The following ANTXR2 variants were observed in gnomAD, a reference collection of about 807,000 sequenced individuals.
The protein encoded by ANTXR2 is anthrax toxin receptor 2.
A neutral mutation model predicts 73.7 loss-of-function variants in ANTXR2; 44 were observed. The observed-to-expected ratio is 0.60, with a 90% confidence interval of 0.47 to 0.77. ANTXR2 has a LOEUF of 0.77. Among genes scored for constraint, ANTXR2 ranks in the 30% least tolerant of loss-of-function variants. ANTXR2 has a pLI of 0.00. For synonymous variants in ANTXR2, 217 were observed against 205.9 expected, an observed-to-expected ratio of 1.05 and a Z score of -0.46; for missense variants, 604 against 592.5, an observed-to-expected ratio of 1.02 and a Z score of -0.20.
At chr4:79,985,380 A>G (rs1730097366) in intron 12 of ANTXR2, among the ~76,000 whole-genome samples, 1 of 151,888 alleles carries the variant, frequency 6.6e-6, no homozygotes, top group African/African-American at 2.4e-5. Context: ...AAGAAAGAAA[A>G]AAAAGAAAAA....
intron 3 of ANTXR2, among the ~76,000 whole-genome samples, chr4:80,062,681 T>A (rs12650083): frequency 0.13 from 19,819 of 152,182 alleles, 2,729 homozygotes; most frequent in East Asian, 0.71. Flanking sequence ...AAGAATAGAA[T>A]AAATTTAGGG....
intron 12 of ANTXR2, among the ~76,000 whole-genome samples, chr4:79,993,930 G>GT (rs913252587): frequency 1.7e-4 from 25 of 147,384 alleles, no homozygotes; most frequent in South Asian, 4.4e-4. Flanking sequence ...ATCTTGGTCA[G>GT]TTTTTTTTTT....
chr4:80,020,748 A>AGCTATTTCTC, intron 10 of ANTXR2, among the ~76,000 whole-genome samples: 1 of 152,214 alleles, frequency 6.6e-6, no homozygotes, highest in Non-Finnish European at 1.5e-5. Flanking sequence ...TTCATACAAG[A>AGCTATTTCTC]AAGCTACTGG....
intron 12 of ANTXR2, among the ~76,000 whole-genome samples, chr4:79,985,442 T>C (rs1270272070): frequency 6.6e-6 from 1 of 152,038 alleles, no homozygotes; most frequent in African/African-American, 2.4e-5. Flanking sequence ...GAACTTAATT[T>C]TCCCTGACAT....
intron 16 of ANTXR2, among the ~76,000 whole-genome samples, chr4:79,937,521 C>T (rs549513925): frequency 7.9e-5 from 12 of 152,282 alleles, no homozygotes; most frequent in African/African-American, 2.9e-4. Context: ...CAATTTGTAT[C>T]TACCCTGAGA....
chr4:79,998,353 A>G (rs774788781), intron 12 of ANTXR2, among the ~76,000 whole-genome samples: 20 of 152,048 alleles, frequency 1.3e-4, no homozygotes, highest in Non-Finnish European at 2.4e-4. Flanking sequence ...CAAGGACACT[A>G]AAGCAAGTGA....
chr4:79,910,167 A>G (rs1727067080), intron 16 of ANTXR2, among the ~76,000 whole-genome samples: 1 of 152,210 alleles, frequency 6.6e-6, no homozygotes, highest in Non-Finnish European at 1.5e-5. Context: ...TTGTTAAGAT[A>G]TATAAAGCAC....
chr4:80,002,096 C>T (rs1336073787), intron 12 of ANTXR2, among the ~76,000 whole-genome samples: 2 of 152,038 alleles, frequency 1.3e-5, no homozygotes, highest in Non-Finnish European at 2.9e-5. Flanking sequence ...GAGCCCGCAT[C>T]ACCAAGTCAA....
chr4:80,062,153 C>T (rs919187964), intron 3 of ANTXR2, among the ~76,000 whole-genome samples: 7 of 152,166 alleles, frequency 4.6e-5, no homozygotes, highest in Middle Eastern at 3.2e-3. Context: ...GCCAAGGCTT[C>T]TGTGGTCCAG....
At chr4:80,045,455 C>A (rs1733475778) in intron 7 of ANTXR2, among the ~76,000 whole-genome samples, 1 of 151,660 alleles carries the variant, frequency 6.6e-6, no homozygotes. Flanking sequence ...TCACTGGCAA[C>A]CGATCATCAC....
At chr4:79,923,855 T>C (rs991389246) in intron 16 of ANTXR2, among the ~76,000 whole-genome samples, 3 of 152,164 alleles carry the variant, frequency 2.0e-5, no homozygotes, top group African/African-American at 7.2e-5. Context: ...GCGCTGTCTC[T>C]ATGTGTGTTG....
chr4:79,935,455 C>T (rs927525496), intron 16 of ANTXR2, among the ~76,000 whole-genome samples: 2 of 151,924 alleles, frequency 1.3e-5, no homozygotes, highest in African/African-American at 4.8e-5. Context: ...GAGTTGGGGC[C>T]AGACTGTCTA....
At chr4:79,918,107 C>T (rs900055962) in intron 16 of ANTXR2, among the ~76,000 whole-genome samples, 12 of 151,726 alleles carry the variant, frequency 7.9e-5, no homozygotes, top group African/African-American at 2.2e-4. Flanking sequence ...TAAAGTAGAA[C>T]GGACACAGCA....
chr4:80,050,966 G>A (rs1164685751), intron 7 of ANTXR2, among the ~76,000 whole-genome samples: 6 of 151,550 alleles, frequency 4.0e-5, no homozygotes, highest in East Asian at 1.9e-4. Context: ...CACGCTACCC[G>A]TCAATGTTTA....
At chr4:79,953,034 C>G (rs905772037) in intron 16 of ANTXR2, among the ~76,000 whole-genome samples, 1 of 152,074 alleles carries the variant, frequency 6.6e-6, no homozygotes, top group Non-Finnish European at 1.5e-5. Context: ...CCCTTGGCCC[C>G]TCCATGTGAA....
intron 16 of ANTXR2, among the ~76,000 whole-genome samples, chr4:79,915,856 CTCTCTCTATA>C (rs1359296168): frequency 1.6e-4 from 18 of 112,272 alleles, no homozygotes; most frequent in African/African-American, 5.4e-4. Context: ...CTCTCTCTCT[CTCTCTCTATA>C]TATATATATA....
At position 80,072,594 on chromosome 4, in the gene ANTXR2, C is replaced by G; in HGVS notation, c.-34G>C. 6.7e-7 allele frequency: 1 copy of G among 1,483,362 alleles called. No individual in the cohort carries two copies. The highest frequency in any genetic ancestry group is 8.9e-7 in the Non-Finnish European group (1 of 1,118,610). 91.9% of individuals were successfully genotyped at this position (1,483,362 alleles called of 1,614,324 possible). ...CGGGGGCCTGAGACTCCCTCCCGCTCGCAGTCCCCTAAGCTCAGGAGGGTC... is the reference window on the plus strand; with the variant it reads ...CGGGGGCCTGAGACTCCCTCCCGCTGGCAGTCCCCTAAGCTCAGGAGGGTC... On this transcript the variant is annotated 5_prime_UTR_variant, in exon 1 of 17. Transcript: ENST00000403729.
chr4:80,060,414 G>A (rs1006694711), intron 3 of ANTXR2, among the ~76,000 whole-genome samples: 11 of 152,182 alleles, frequency 7.2e-5, no homozygotes, highest in South Asian at 4.1e-4. Context: ...ATTGGAATGC[G>A]TTTTGAATTA....
At chr4:79,932,222 T>A (rs1397737548) in intron 16 of ANTXR2, among the ~76,000 whole-genome samples, 1 of 152,142 alleles carries the variant, frequency 6.6e-6, no homozygotes, top group African/African-American at 2.4e-5. Flanking sequence ...TATGCTTACA[T>A]GTTAAATAAC....
Sources: allele counts gnomAD v4.1 joint callset (sites outside exome capture counted in the v4.1 genomes callset), GRCh38; gene constraint gnomAD v4.1.1; transcripts MANE v1.5; gene names NCBI Gene and HGNC (gene_info 2026-07-23, HGNC 2026-07-21).